Variants in ABCB7 observed in about 807,000 individuals in gnomAD.
ABCB7 encodes the protein iron-sulfur clusters transporter ABCB7, mitochondrial.
Under a neutral mutation model 54.4 loss-of-function variants are expected in ABCB7, and 7 were observed. The ratio of observed to expected loss-of-function variants is 0.13; its 90% confidence interval spans 0.07 to 0.24. The LOEUF is 0.24. Among genes scored for constraint, ABCB7 ranks in the 10% least tolerant of loss-of-function variants. The pLI, the probability that ABCB7 is intolerant of heterozygous loss-of-function variation, is 1.00. For synonymous variants in ABCB7, 218 were observed against 207.1 expected, an observed-to-expected ratio of 1.05 and a Z score of -0.45; for missense variants, 356 against 570.4, an observed-to-expected ratio of 0.62 and a Z score of 3.83.
intron 1 of ABCB7, among the ~76,000 whole-genome samples, chrX:75,119,707 T>C (rs1190730526): frequency 1.8e-5 from 2 of 111,878 alleles, no homozygotes; most frequent in Admixed American, 1.9e-4. Flanking sequence ...TATATAAATA[T>C]GTTACTGATC....
At chrX:75,076,873 T>C (rs1010081373) in intron 4 of ABCB7, among the ~76,000 whole-genome samples, 2 of 111,673 alleles carry the variant, frequency 1.8e-5, no homozygotes, top group African/African-American at 6.5e-5. Context: ...TATTCATTTA[T>C]AAGCTATGTG....
chrX:75,132,208 C>T (rs772710103), intron 1 of ABCB7, among the ~76,000 whole-genome samples: 2 of 112,214 alleles, frequency 1.8e-5, no homozygotes, highest in East Asian at 2.8e-4. Flanking sequence ...TGCCCTCGGA[C>T]TGGGGAAGGA....
chrX:75,074,122 A>C (rs989599440), intron 6 of ABCB7, among the ~76,000 whole-genome samples, 166 bp from the exon 7 acceptor site: 3 of 111,948 alleles, frequency 2.7e-5, no homozygotes, highest in Non-Finnish European at 5.7e-5. Flanking sequence ...TAGAAAATCT[A>C]CTTTAGGCAA....
At chrX:75,077,916 C>CTTT (rs779192815) in intron 4 of ABCB7, among the ~76,000 whole-genome samples, 2 of 96,471 alleles carry the variant, frequency 2.1e-5, no homozygotes, top group Non-Finnish European at 2.1e-5. Flanking sequence ...TTCTTCTTTG[C>CTTT]TTTTTTTTTT....
intron 1 of ABCB7, among the ~76,000 whole-genome samples, chrX:75,140,587 A>G (rs2082046854): frequency 9.0e-6 from 1 of 111,311 alleles, no homozygotes; most frequent in African/African-American, 3.3e-5. Context: ...GGTAACAATT[A>G]AATATGATAA....
At chrX:75,150,371 A>G (rs2082122280) in intron 1 of ABCB7, among the ~76,000 whole-genome samples, 1 of 111,807 alleles carries the variant, frequency 8.9e-6, no homozygotes, top group South Asian at 3.7e-4. Flanking sequence ...CAGGAAAGGA[A>G]GGAGAAAATC....
chrX:75,129,596 AAATATATAT>A (rs1289397437), intron 1 of ABCB7, among the ~76,000 whole-genome samples: 1 of 106,894 alleles, frequency 9.4e-6, no homozygotes, highest in Non-Finnish European at 1.9e-5. Context: ...AAAGTATAAT[AAATATATAT>A]AATATATATA....
Position 75,070,418 on chromosome X carries a change from G to C in ABCB7, c.1312C>G (p.Leu438Val). 2.5e-6 allele frequency: 3 copies of C among 1,209,842 alleles called. No individual in the cohort carries two copies. Among genetic ancestry groups the C allele is most frequent in the Non-Finnish European group, 3.4e-6 (3 of 894,246 alleles). ...GTAAACAAGGTGTTCATATCTATGA[G>C]TGCTTGTCTAGTCTCTCTATATACA... is the stretch of plus-strand genomic sequence containing the variant. ...GTVYRETRQA[L>V]IDMNTLFTLL... Residue 438 changes from leucine (L) to valine (V), a missense_variant, in exon 10 of 16, where the codon CTC becomes GTC. Leu to Val is a conservative substitution (Grantham distance 32). Around this residue, in one of 2 missense-constraint regions of ABCB7, gnomAD observed 241 missense variants for 470.9 expected, o/e 0.51. Transcript: ENST00000373394.
chrX:75,080,531 C>T (rs2081447136), intron 4 of ABCB7, among the ~76,000 whole-genome samples: 1 of 111,357 alleles, frequency 9.0e-6, no homozygotes, highest in Admixed American at 9.5e-5. Flanking sequence ...TCTCAAACTC[C>T]TGGGCTCAAG....
intron 4 of ABCB7, among the ~76,000 whole-genome samples, chrX:75,096,191 C>T (rs751816196): frequency 1.1e-4 from 12 of 111,908 alleles, no homozygotes; most frequent in Admixed American, 2.8e-4. Flanking sequence ...TAAAAATGCA[C>T]GAGGGTTAAA....
chrX:75,147,353 T>C (rs759657102), intron 1 of ABCB7, among the ~76,000 whole-genome samples: 5 of 111,736 alleles, frequency 4.5e-5, no homozygotes, highest in Admixed American at 9.5e-5. Flanking sequence ...CATTCTATTA[T>C]AAAGACACAT....
intron 4 of ABCB7, among the ~76,000 whole-genome samples, chrX:75,085,695 T>A (rs1230947821): frequency 9.0e-6 from 1 of 111,285 alleles, no homozygotes; most frequent in Non-Finnish European, 1.9e-5. Flanking sequence ...TGTATTTCAA[T>A]AAAAATCAAC....
chrX:75,117,090 C>A (rs12687444), intron 1 of ABCB7, among the ~76,000 whole-genome samples: 2,335 of 110,218 alleles, frequency 0.021, 38 homozygotes, highest in South Asian at 0.13. Context: ...TCTTTTATTC[C>A]TTTACTTTCT....
intron 3 of ABCB7, among the ~76,000 whole-genome samples, chrX:75,110,226 T>G (rs771516632): frequency 8.9e-6 from 1 of 112,136 alleles, no homozygotes; most frequent in South Asian, 3.7e-4. Flanking sequence ...GCCAGACTGA[T>G]ATTCAAGTTG....
In ABCB7 at chrX:75,127,045, C is replaced by G. The variant is rs190751812; in HGVS notation, c.169-12214G>C. 6.2e-3 allele frequency among the ~76,000 whole-genome samples: 689 copies of G among 111,767 alleles called. 5 individuals carry two copies. The highest frequency in any genetic ancestry group is 0.011 in the Non-Finnish European group (571 of 53,139). ...ACAATGGAAAAAAAGGGACTCCTCT[C>G]TAACTCATCTTATGTGGTTGGCAAT... On this transcript the variant is annotated intron_variant, in intron 1 of 15. Coordinates refer to ENST00000373394, the MANE Select transcript of ABCB7 (RefSeq NM_001271696.3).
chrX:75,138,323 C>T (rs1379723753), intron 1 of ABCB7, among the ~76,000 whole-genome samples: 1 of 111,898 alleles, frequency 8.9e-6, no homozygotes, highest in East Asian at 2.8e-4. Flanking sequence ...TGTGTGTATA[C>T]ACACATGCAT....
intron 1 of ABCB7, among the ~76,000 whole-genome samples, chrX:75,144,087 T>C (rs1372570495): frequency 9.0e-6 from 1 of 111,620 alleles, no homozygotes; most frequent in Non-Finnish European, 1.9e-5. Flanking sequence ...TGACAGGCAA[T>C]GCAGGCACTT....
chrX:75,103,467 T>A (rs1050628602), intron 3 of ABCB7, among the ~76,000 whole-genome samples: 1 of 111,515 alleles, frequency 9.0e-6, no homozygotes, highest in African/African-American at 3.3e-5. Flanking sequence ...TCTGCTCTGT[T>A]GGTCTATGTA....
chrX:75,100,008 T>C (rs2081626947), intron 3 of ABCB7, among the ~76,000 whole-genome samples: 1 of 111,147 alleles, frequency 9.0e-6, no homozygotes, highest in South Asian at 3.8e-4. Context: ...TGGAGAGCAA[T>C]TTGCTATATA....
Sources: allele counts gnomAD v4.1 joint callset (sites outside exome capture counted in the v4.1 genomes callset), GRCh38; gene constraint gnomAD v4.1.1; regional missense constraint gnomAD v4.1.1; transcripts MANE v1.5; gene names NCBI Gene and HGNC (gene_info 2026-07-23, HGNC 2026-07-21).